The following ABCC12 variants were observed in gnomAD, a reference collection of about 807,000 sequenced individuals.
The protein encoded by ABCC12 is ATP binding cassette subfamily C member 12.
Under a neutral mutation model 151.1 loss-of-function variants are expected in ABCC12, and 142 were observed. That is an observed-to-expected ratio of 0.94 (90% CI 0.82 to 1.08). The LOEUF (loss-of-function observed/expected upper bound fraction) is 1.08, where lower values mean the gene tolerates loss of function less well. Among genes scored for constraint, ABCC12 ranks in the 50% least tolerant of loss-of-function variants. The pLI is 0.00. For synonymous variants in ABCC12, 645 were observed against 646.4 expected (o/e 1.00, Z 0.03); for missense variants, 1,638 against 1,691.1 (o/e 0.97, Z 0.55).
chr16:48,107,181 A>T (rs773064669), intron 20 of ABCC12, 141 bp downstream of exon 20: 27 of 806,060 alleles, frequency 3.3e-5, no homozygotes, highest in Non-Finnish European at 4.9e-5. Context: ...TGGTGTAAGC[A>T]TCTGACTCCC....
intron 9 of ABCC12, among the ~76,000 whole-genome samples, chr16:48,132,638 C>T (rs1268765448): frequency 1.3e-5 from 2 of 152,064 alleles, no homozygotes; most frequent in South Asian, 2.1e-4. Flanking sequence ...CTTAGCATTT[C>T]GTTATCTTTG....
At chr16:48,125,558 G>A (rs1433894347) in intron 11 of ABCC12, among the ~76,000 whole-genome samples, 3 of 152,150 alleles carry the variant, frequency 2.0e-5, no homozygotes, top group African/African-American at 4.8e-5. Flanking sequence ...TATCTGGGGA[G>A]AATCATTGCA....
rs909489401 is a variant in ABCC12, at chr16:48,081,959, T to C, written c.*1756A>G. Among the ~76,000 whole-genome samples the C allele has an allele frequency of 6.6e-6, 1 of 152,098 alleles. No individual in the cohort carries two copies. On this transcript the variant is annotated 3_prime_UTR_variant, in exon 31 of 31. Coordinates refer to ENST00000311303, the MANE Select transcript of ABCC12 (RefSeq NM_001393797.1). The stretch of plus-strand genomic sequence containing the variant: ...CAGCACAGACTGCCCAGTCTGCTTG[T>C]CATATTGGGGAAGTTATCTTATGTC...
rs1228044507 is a variant in ABCC12, at chr16:48,088,627, G to T, written c.3393C>A (p.Asp1131Glu). ...GGCTGTCGAGAACAAGGGGGGTGTTGTCTCTGTATCTCATCTGATAGTCTC... is the reference window on the plus strand; with the variant it reads ...GGCTGTCGAGAACAAGGGGGGTGTTTTCTCTGTATCTCATCTGATAGTCTC... ...TFRDYQMRYR[D>E]NTPLVLDSLN... is the part of the protein sequence containing the mutation. The change falls in exon 26 of 31, where the codon GAC becomes GAA. Residue 1131 changes from aspartate (D) to glutamate (E), a missense_variant. By Grantham distance (45) the Asp-to-Glu change is conservative. Transcript: ENST00000311303. 1.9e-6 allele frequency: 3 copies of T among 1,614,206 alleles called. No homozygotes were observed. In the South Asian group the frequency reaches 3.3e-5, roughly 18 times the overall value.
At chr16:48,148,663 C>T (rs539405686) in intron 2 of ABCC12, among the ~76,000 whole-genome samples, 1 of 152,192 alleles carries the variant, frequency 6.6e-6, no homozygotes, top group Admixed American at 6.5e-5. Flanking sequence ...TACTCTCCAC[C>T]TTCTATTTGT....
At chr16:48,137,025 G>A (rs1424067451) in intron 8 of ABCC12, among the ~76,000 whole-genome samples, 1 of 152,198 alleles carries the variant, frequency 6.6e-6, no homozygotes, top group African/African-American at 2.4e-5. Flanking sequence ...TTTCCAACAG[G>A]GGAGGAACAG....
chr16:48,140,969 C>A, intron 5 of ABCC12, 49 bp from the exon 6 acceptor site: 1 of 1,563,828 alleles, frequency 6.4e-7, no homozygotes. Context: ...AGGGCTGAGG[C>A]TGGCATAGGA....
intron 4 of ABCC12, among the ~76,000 whole-genome samples, chr16:48,142,988 C>A (rs917224498): frequency 6.6e-6 from 1 of 152,080 alleles, no homozygotes; most frequent in Non-Finnish European, 1.5e-5. Context: ...TGGGAGAGAT[C>A]CTTCCACGGC....
chr16:48,108,901 C>T (rs561837327), intron 18 of ABCC12, among the ~76,000 whole-genome samples: 6 of 152,260 alleles, frequency 3.9e-5, no homozygotes, highest in South Asian at 4.2e-4. Flanking sequence ...ACCAAGCTGG[C>T]GACCACTGTG....
chr16:48,143,721 T>C (rs575996678), intron 4 of ABCC12, among the ~76,000 whole-genome samples, 189 bp downstream of exon 4: 1 of 152,316 alleles, frequency 6.6e-6, no homozygotes, highest in East Asian at 1.9e-4. Flanking sequence ...ACACACTGTC[T>C]TGCCTGCCAC....
At chr16:48,124,167 T>C (rs765860527) in intron 12 of ABCC12, 46 bp downstream of exon 12, 1 of 1,589,256 alleles carries the variant, frequency 6.3e-7, no homozygotes, top group South Asian at 1.1e-5. Context: ...GCCATTTCAT[T>C]GTCATGTTAA....
At chr16:48,086,534 T>C in intron 28 of ABCC12, 1 of 545,866 alleles carries the variant, frequency 1.8e-6, no homozygotes, top group South Asian at 2.2e-5. Flanking sequence ...ATACATGTAG[T>C]GCTCTTGACT....
chr16:48,111,285 G>T, intron 18 of ABCC12, 151 bp downstream of exon 18: 1 of 879,374 alleles, frequency 1.1e-6, no homozygotes, highest in Non-Finnish European at 1.7e-6. Context: ...TTGGACTTAG[G>T]CAGTGGAACC....
intron 2 of ABCC12, among the ~76,000 whole-genome samples, 192 bp downstream of exon 2, chr16:48,153,424 C>T (rs1472842050): frequency 6.6e-6 from 1 of 152,052 alleles, no homozygotes; most frequent in Non-Finnish European, 1.5e-5. Flanking sequence ...AATTTTTCTG[C>T]ACACTTCTCA....
chr16:48,105,262 C>T lies in ABCC12; in HGVS notation c.2550G>A (p.Val850=). The change falls in exon 21 of 31, where the codon GTG becomes GTA. Residue 850 remains valine, a synonymous_variant. Coordinates refer to ENST00000311303, the MANE Select transcript of ABCC12 (RefSeq NM_001393797.1). ...GAVLADIGQH[V]YQWVYTASMV... The stretch of plus-strand genomic sequence containing the variant: ...TGCTTGCAGTGTACACCCACTGGTA[C>T]ACATGCTGACCGATGTCTGCCAGCA... 1.9e-6 allele frequency: 3 copies of T among 1,614,126 alleles called. No homozygotes were observed. The highest frequency in any genetic ancestry group is 1.7e-6 in the Non-Finnish European group (2 of 1,180,044).
At chr16:48,138,083 T>C (rs1964671016) in intron 8 of ABCC12, 145 bp downstream of exon 8, 1 of 793,046 alleles carries the variant, frequency 1.3e-6, no homozygotes, top group Non-Finnish European at 1.8e-6. Flanking sequence ...CCATAATCCT[T>C]TGAAAAATTC....
At chr16:48,147,970 C>T (rs1364046376) in intron 2 of ABCC12, among the ~76,000 whole-genome samples, 5 of 151,386 alleles carry the variant, frequency 3.3e-5, no homozygotes, top group South Asian at 2.1e-4. Context: ...GTTGTGGAGA[C>T]GGAGTCTCAC....
intron 14 of ABCC12, 26 bp from the exon 15 acceptor site, chr16:48,115,644 C>T (rs374486104): frequency 1.0e-5 from 16 of 1,594,562 alleles, no homozygotes; most frequent in Non-Finnish European, 1.4e-5. Context: ...ATGCTACTGC[C>T]CATTGTCAGC....
chr16:48,117,359 C>A, intron 13 of ABCC12, 26 bp from the exon 14 acceptor site: 1 of 1,611,246 alleles, frequency 6.2e-7, no homozygotes, highest in Non-Finnish European at 8.5e-7. Context: ...TCAGAAGTAG[C>A]TGGGTGAGAA....
Sources: allele counts gnomAD v4.1 joint callset (sites outside exome capture counted in the v4.1 genomes callset), GRCh38; gene constraint gnomAD v4.1.1; transcripts MANE v1.5; gene names NCBI Gene and HGNC (gene_info 2026-07-23, HGNC 2026-07-21).